The following ZNF480 variants were observed in gnomAD, a reference collection of about 807,000 sequenced individuals.
The protein encoded by ZNF480 is zinc finger protein 480.
In ZNF480, 15 loss-of-function variants were observed where a neutral mutation model predicts 14.4. The ratio of observed to expected loss-of-function variants is 1.04; its 90% CI spans 0.70 to 1.60. The LOEUF (loss-of-function observed/expected upper bound fraction) is 1.60. Ranked by LOEUF, ZNF480 falls within the 40% of genes most tolerant of loss-of-function variation. The pLI is 0.00. For synonymous variants in ZNF480, 218 were observed against 215.5 expected (o/e 1.01, Z -0.10); for missense variants, 593 against 629.7 (o/e 0.94, Z 0.62).
In ZNF480 at chr19:52,323,829, TCA is replaced by T. The variant is rs1983963435; in HGVS notation, c.*974_*975del. ...TCAATAAGAACCATCTATGCTGGAC[TCA>T]CAGCCAAATTAATACTGAACAAGCA... On this transcript the variant is annotated 3_prime_UTR_variant, in exon 5 of 5. Coordinates refer to ENST00000595962, the MANE Select transcript of ZNF480 (RefSeq NM_144684.4). 1 of 152,122 alleles carries T rather than the reference TCA, an allele frequency of 6.6e-6. No individual in the cohort carries two copies. The highest frequency in any genetic ancestry group is 2.4e-5 in the African/African-American group (1 of 41,436). 9.4% of individuals were successfully genotyped at this position (152,122 alleles called of 1,614,324 possible).
chr19:52,318,780 G>GACA (rs1394870717), intron 4 of ZNF480, among the ~76,000 whole-genome samples: 1 of 152,008 alleles, frequency 6.6e-6, no homozygotes, highest in Non-Finnish European at 1.5e-5. Context: ...TCCTTTCCTT[G>GACA]TTACATGGTC....
intron 4 of ZNF480, among the ~76,000 whole-genome samples, chr19:52,321,360 C>T (rs142103505): frequency 1.3e-5 from 2 of 152,236 alleles, no homozygotes; most frequent in Non-Finnish European, 2.9e-5. Context: ...TAATCCCTCT[C>T]AAACTCACCT....
chr19:52,321,753 A>C lies in ZNF480; in HGVS notation c.503A>C (p.Gln168Pro), dbSNP rs752814232. 2.5e-6 allele frequency: 4 copies of C among 1,613,814 alleles called. No homozygotes were observed. Among genetic ancestry groups the C allele is most frequent in the Non-Finnish European group, 2.5e-6 (3 of 1,179,864 alleles). Residue 168 changes from glutamine (Q) to proline (P), a missense_variant, in exon 5 of 5, where the codon CAA (glutamine) becomes CCA (proline). By Grantham distance (76) the Gln-to-Pro change is moderately conservative. Transcript: ENST00000595962. ...CACAGTTCCTCTGTTTCCTGTCTTCAAGAAATGTCTTCCAGTGTCAAAACC... is the reference window on the plus strand; with the variant it reads ...CACAGTTCCTCTGTTTCCTGTCTTCCAGAAATGTCTTCCAGTGTCAAAACC... ...INHSSSVSCL[Q>P]EMSSSVKTPI... is the part of the protein sequence containing the mutation.
At chr19:52,306,720 A>G (rs1982948852) in intron 2 of ZNF480, among the ~76,000 whole-genome samples, 1 of 152,208 alleles carries the variant, frequency 6.6e-6, no homozygotes, top group African/African-American at 2.4e-5. Context: ...AAATGTAGCC[A>G]TCATATTCCC....
chr19:52,317,921 T>C (rs1046434740), intron 4 of ZNF480, among the ~76,000 whole-genome samples: 8 of 152,116 alleles, frequency 5.3e-5, no homozygotes, highest in African/African-American at 1.9e-4. Context: ...TATTCTTTAT[T>C]GGTGTGAGGA....
At chr19:52,308,846 AATTATT>A (rs34561407) in intron 2 of ZNF480, 2 of 151,398 alleles carry the variant, frequency 1.3e-5, no homozygotes, top group Non-Finnish European at 2.9e-5. Context: ...CTTGTCCACG[AATTATT>A]ATTATCATTT....
intron 2 of ZNF480, among the ~76,000 whole-genome samples, chr19:52,305,262 C>G (rs1236693256): frequency 6.6e-6 from 1 of 152,148 alleles, no homozygotes; most frequent in East Asian, 1.9e-4. Context: ...ACACGGACAG[C>G]CAGTGCTGTA....
chr19:52,316,619 C>A (rs1357611840), intron 4 of ZNF480, among the ~76,000 whole-genome samples: 3 of 152,138 alleles, frequency 2.0e-5, no homozygotes, highest in Admixed American at 1.3e-4. Flanking sequence ...TCCATAAGTA[C>A]TCTGATTACC....
intron 1 of ZNF480, among the ~76,000 whole-genome samples, chr19:52,299,573 G>T (rs541959277): frequency 1.3e-5 from 2 of 152,272 alleles, no homozygotes; most frequent in East Asian, 3.9e-4. Context: ...GAAGCATTTT[G>T]CTTAGTTTTA....
At chr19:52,300,068 C>G (rs1191964405) in intron 1 of ZNF480, among the ~76,000 whole-genome samples, 2 of 152,152 alleles carry the variant, frequency 1.3e-5, no homozygotes, top group African/African-American at 4.8e-5. Context: ...AGCCTGGGAT[C>G]CATAGAGAGG....
At chr19:52,300,514 G>A (rs777507052) in intron 2 of ZNF480, 30 bp downstream of exon 2, 20 of 1,607,182 alleles carry the variant, frequency 1.2e-5, no homozygotes, top group Non-Finnish European at 1.6e-5. Flanking sequence ...GGATTGTTCT[G>A]TCTCCTTTCT....
intron 1 of ZNF480, among the ~76,000 whole-genome samples, chr19:52,298,295 A>C (rs1436738826): frequency 1.3e-5 from 2 of 152,052 alleles, no homozygotes. Context: ...GTGTAACAGA[A>C]AAGAAGGGAT....
chr19:52,300,761 A>G lies in ZNF480; in HGVS notation c.72+277A>G, dbSNP rs921771747. The G allele has an allele frequency of 2.4e-5, 12 of 505,620 alleles. No individual in the cohort carries two copies. The Admixed American group carries it at 2.9e-4, about 12-fold the overall frequency. The allele number at this position is 505,620 out of a possible 1,614,324, so 31.3% of individuals were successfully genotyped here. ...GAGCTGCGAACAGGGTTTGACCCAC[A>G]TATTTATTGACAGCAAGCCATTGAT... On this transcript the variant is annotated intron_variant, in intron 2 of 4. Transcript: ENST00000595962.
chr19:52,316,815 C>G (rs1983579901), intron 4 of ZNF480, among the ~76,000 whole-genome samples: 1 of 152,122 alleles, frequency 6.6e-6, no homozygotes, highest in Non-Finnish European at 1.5e-5. Flanking sequence ...CTTTTTATGA[C>G]TGGCTTATCT....
At chr19:52,305,987 A>G (rs8109096) in intron 2 of ZNF480, among the ~76,000 whole-genome samples, 1 of 151,896 alleles carries the variant, frequency 6.6e-6, no homozygotes, top group African/African-American at 2.4e-5. Context: ...TTCTTTTTCA[A>G]TATGATCATG....
At position 52,302,311 on chromosome 19, in the gene ZNF480, A is replaced by G. The variant is rs567623072; in HGVS notation, c.72+1827A>G. ...GGCAGGCTCAAAAAATTTAAAGTCA[A>G]TAATGCTAGATTCAGTTGCATAATT... On this transcript the variant is annotated intron_variant, in intron 2 of 4. Coordinates refer to ENST00000595962, the MANE Select transcript of ZNF480 (RefSeq NM_144684.4). 3.5e-4 allele frequency among the ~76,000 whole-genome samples: 54 copies of G among 152,326 alleles called. 1 individual carries two copies. The highest frequency in any genetic ancestry group is 1.1e-3 in the African/African-American group (44 of 41,570).
At chr19:52,304,053 T>C (rs1365905217) in intron 2 of ZNF480, among the ~76,000 whole-genome samples, 8 of 152,226 alleles carry the variant, frequency 5.3e-5, no homozygotes, top group African/African-American at 1.9e-4. Context: ...ATATAATGAA[T>C]AATATAACAC....
rs1024751291 is a variant in ZNF480, at chr19:52,323,906, C to T, written c.*1048C>T. ...AACTGGAAAATGACAGGGATGACCA[C>T]TCTCACCACTCCGATTCAACATAGT... On this transcript the variant is annotated 3_prime_UTR_variant, in exon 5 of 5. Coordinates refer to ENST00000595962, the MANE Select transcript of ZNF480 (RefSeq NM_144684.4). 2 of 152,098 alleles carry T rather than the reference C, an allele frequency of 1.3e-5. No homozygotes were observed. Among genetic ancestry groups the T allele is most frequent in the African/African-American group, 4.8e-5 (2 of 41,402 alleles). 9.4% of individuals were successfully genotyped at this position (152,098 alleles called of 1,614,324 possible).
chr19:52,303,683 T>TG (rs1407714408), intron 2 of ZNF480, among the ~76,000 whole-genome samples: 3 of 152,214 alleles, frequency 2.0e-5, no homozygotes, highest in African/African-American at 7.2e-5. Context: ...TTCAATGAGT[T>TG]GTAACTCTGC....
Sources: gnomAD v4.1 joint callset for allele counts (sites outside exome capture counted in the v4.1 genomes callset) on GRCh38, gnomAD v4.1.1 for gene constraint, MANE v1.5 for transcripts, NCBI Gene and HGNC (gene_info 2026-07-23, HGNC 2026-07-21) for gene names.